The following LYPD6 variants were observed in gnomAD, a reference collection of about 807,000 sequenced individuals.
LYPD6 encodes the protein ly6/PLAUR domain-containing protein 6.
Under a neutral mutation model 22.7 loss-of-function variants are expected in LYPD6, and 15 were observed. The ratio of observed to expected loss-of-function variants is 0.66; its 90% confidence interval spans 0.44 to 1.02. The LOEUF is 1.02. Among genes scored for constraint, LYPD6 ranks in the 50% least tolerant of loss-of-function variants. The pLI, the probability that LYPD6 is intolerant of heterozygous loss-of-function variation, is 0.00. For synonymous variants in LYPD6, 72 were observed against 77.5 expected (o/e 0.93, Z 0.37); for missense variants, 189 against 208.4 (o/e 0.91, Z 0.57).
At chr2:149,383,889 A>G (rs960902051) in intron 1 of LYPD6, among the ~76,000 whole-genome samples, 2 of 152,212 alleles carry the variant, frequency 1.3e-5, no homozygotes, top group African/African-American at 2.4e-5. Flanking sequence ...AAGGATCTAA[A>G]TTAAATACTT....
intron 1 of LYPD6, among the ~76,000 whole-genome samples, chr2:149,353,562 T>G (rs751536699): frequency 6.6e-6 from 1 of 152,314 alleles, no homozygotes; most frequent in South Asian, 2.1e-4. Flanking sequence ...ACCTGTGATA[T>G]ATACTATGGA....
chr2:149,465,266 A>G (rs1001116420), intron 3 of LYPD6, among the ~76,000 whole-genome samples: 2 of 152,154 alleles, frequency 1.3e-5, no homozygotes, highest in East Asian at 3.9e-4. Context: ...CAGAGTCACA[A>G]AGAGATCCTA....
At chr2:149,467,738 CT>C (rs2105181254) in intron 3 of LYPD6, among the ~76,000 whole-genome samples, 1 of 152,252 alleles carries the variant, frequency 6.6e-6, no homozygotes, top group East Asian at 1.9e-4. Context: ...TATTCATTTT[CT>C]TTTTTAATGT....
At chr2:149,344,094 A>G (rs1343199367) in intron 1 of LYPD6, among the ~76,000 whole-genome samples, 5 of 152,160 alleles carry the variant, frequency 3.3e-5, no homozygotes, top group African/African-American at 9.6e-5. Context: ...AAAATATTGG[A>G]CTATCTGGTG....
intron 1 of LYPD6, among the ~76,000 whole-genome samples, chr2:149,383,514 G>A (rs1046622260): frequency 6.6e-6 from 1 of 152,116 alleles, no homozygotes; most frequent in Non-Finnish European, 1.5e-5. Flanking sequence ...ACAGTCCAAA[G>A]ATGAAACTCA....
intron 1 of LYPD6, among the ~76,000 whole-genome samples, chr2:149,413,612 A>T (rs959748682): frequency 2.0e-5 from 3 of 152,172 alleles, no homozygotes; most frequent in African/African-American, 7.2e-5. Context: ...CCCTGGCATT[A>T]GCACTTCCCC....
At chr2:149,357,452 A>G (rs928068462) in intron 1 of LYPD6, among the ~76,000 whole-genome samples, 6 of 152,208 alleles carry the variant, frequency 3.9e-5, no homozygotes, top group Non-Finnish European at 7.3e-5. Context: ...TTTTGCAATC[A>G]GTAATGATCA....
intron 1 of LYPD6, among the ~76,000 whole-genome samples, chr2:149,400,614 T>A (rs1326665562): frequency 1.3e-5 from 1 of 78,038 alleles, no homozygotes; most frequent in Non-Finnish European, 2.5e-5. Context: ...AAATGTCGTA[T>A]ATAAACTTCC....
intron 1 of LYPD6, among the ~76,000 whole-genome samples, chr2:149,411,236 A>G (rs935205115): frequency 6.6e-6 from 1 of 152,212 alleles, no homozygotes; most frequent in African/African-American, 2.4e-5. Context: ...GCTAAGCCGT[A>G]AAATCAAGAT....
At chr2:149,373,312 G>GT (rs1681851856) in intron 1 of LYPD6, among the ~76,000 whole-genome samples, 1 of 152,186 alleles carries the variant, frequency 6.6e-6, no homozygotes, top group Non-Finnish European at 1.5e-5. Context: ...AAGTAGATGA[G>GT]TCTGGAGTCA....
At chr2:149,461,571 C>A (rs1681088442) in intron 3 of LYPD6, among the ~76,000 whole-genome samples, 1 of 151,692 alleles carries the variant, frequency 6.6e-6, no homozygotes, top group African/African-American at 2.4e-5. Context: ...AAAACCAGAC[C>A]AACACAGCAC....
At chr2:149,378,172 A>G (rs1681973085) in intron 1 of LYPD6, among the ~76,000 whole-genome samples, 1 of 152,176 alleles carries the variant, frequency 6.6e-6, no homozygotes, top group African/African-American at 2.4e-5. Flanking sequence ...GCTGGAATGT[A>G]GTAGCACAAT....
intron 1 of LYPD6, among the ~76,000 whole-genome samples, chr2:149,415,842 AT>A (rs35143564): frequency 0.29 from 44,220 of 150,780 alleles, 8,323 homozygotes; most frequent in African/African-American, 0.55. Context: ...AATTTTTGTA[AT>A]TTTTTTTTGT....
At chr2:149,447,394 T>C (rs1287584179) in intron 2 of LYPD6, among the ~76,000 whole-genome samples, 7 of 152,130 alleles carry the variant, frequency 4.6e-5, no homozygotes, top group Admixed American at 2.0e-4. Context: ...GTGGGAGCAG[T>C]AGGAAGAGAT....
intron 3 of LYPD6, among the ~76,000 whole-genome samples, chr2:149,465,371 A>C (rs1219875681): frequency 6.6e-6 from 1 of 152,182 alleles, no homozygotes; most frequent in African/African-American, 2.4e-5. Context: ...CTATGTGAAC[A>C]GTAAGGAATG....
intron 2 of LYPD6, among the ~76,000 whole-genome samples, chr2:149,445,228 T>G (rs902200444): frequency 6.6e-6 from 1 of 152,210 alleles, no homozygotes; most frequent in African/African-American, 2.4e-5. Context: ...GACAATTCTG[T>G]AAATAAATGT....
Position 149,348,097 on chromosome 2 carries a change from A to G in LYPD6, c.-72+17375A>G, listed in dbSNP as rs191977900. ...AAAAAAAAAAAAAAGAGTGGAAGAC[A>G]CAGCAACTGTTCTCATGGAACTTGG... On this transcript the variant is annotated intron_variant, in intron 1 of 4. Coordinates refer to ENST00000334166, the MANE Select transcript of LYPD6 (RefSeq NM_194317.5). Among the ~76,000 whole-genome samples, 1,298 of 150,086 alleles carry G rather than the reference A, an allele frequency of 8.6e-3. 14 individuals are homozygous for G. Among genetic ancestry groups the G allele is most frequent in the South Asian group, 0.015 (69 of 4,708 alleles).
At chr2:149,420,642 T>C (rs146784882) in intron 1 of LYPD6, among the ~76,000 whole-genome samples, 2 of 152,282 alleles carry the variant, frequency 1.3e-5, no homozygotes, top group African/African-American at 2.4e-5. Flanking sequence ...GGTTTAGGGC[T>C]GAGCATTGTA....
chr2:149,428,138 T>C (rs1372959499), intron 1 of LYPD6, among the ~76,000 whole-genome samples: 6 of 152,252 alleles, frequency 3.9e-5, no homozygotes, highest in South Asian at 4.1e-4. Context: ...TTCTCTATTA[T>C]TGACATTTTT....
Sources: allele counts gnomAD v4.1 joint callset (sites outside exome capture counted in the v4.1 genomes callset), GRCh38; gene constraint gnomAD v4.1.1; transcripts MANE v1.5; gene names NCBI Gene and HGNC (gene_info 2026-07-23, HGNC 2026-07-21).